Variants in FABP6 observed in about 807,000 individuals in gnomAD.
FABP6 encodes gastrotropin.
A neutral mutation model predicts 14.9 loss-of-function variants in FABP6; 13 were observed. The observed-to-expected ratio is 0.87, with a 90% CI of 0.57 to 1.39. FABP6 has a LOEUF of 1.39. Among genes scored for constraint, FABP6 ranks in the 40% most tolerant of loss-of-function variants. The pLI is 0.00. For missense variants in FABP6, 161 were observed against 167.2 expected, an observed-to-expected ratio of 0.96 and a Z score of 0.20; for synonymous variants, 75 against 63.6, an observed-to-expected ratio of 1.18 and a Z score of -0.85.
chr5:160,222,562 GACCTCAGGTGATCCACCC>G (rs1436791439), intron 3 of FABP6, among the ~76,000 whole-genome samples: 1 of 152,128 alleles, frequency 6.6e-6, no homozygotes, highest in Non-Finnish European at 1.5e-5. Context: ...TCAAACTCTT[GACCTCAGGTGATCCACCC>G]ACCTCAGCCT....
At chr5:160,209,904 C>T (rs529681178) in intron 2 of FABP6, among the ~76,000 whole-genome samples, 1 of 152,106 alleles carries the variant, frequency 6.6e-6, no homozygotes, top group Non-Finnish European at 1.5e-5. Context: ...CAACAGAAAG[C>T]AACCTAAGAC....
chr5:160,230,039 A>AT (rs1238431320), intron 1 of FABP6, among the ~76,000 whole-genome samples: 4 of 33,562 alleles, frequency 1.2e-4, no homozygotes, highest in African/African-American at 3.6e-4. Flanking sequence ...ACGCCCGGCT[A>AT]ATTTTTTTTT....
chr5:160,213,627 T>C (rs1561748193), intron 2 of FABP6: 1 of 878,210 alleles, frequency 1.1e-6, no homozygotes, highest in Non-Finnish European at 1.9e-6. Context: ...TTGCTTGCAA[T>C]TAAGAGCGCT....
chr5:160,194,781 A>G (rs1403115383), intron 1 of FABP6, among the ~76,000 whole-genome samples: 2 of 152,074 alleles, frequency 1.3e-5, no homozygotes, highest in Non-Finnish European at 2.9e-5. Flanking sequence ...CCCTGTCCTG[A>G]TGCTGACCAC....
At chr5:160,187,964 C>T (rs917060591) in intron 1 of FABP6, among the ~76,000 whole-genome samples, 4 of 152,100 alleles carry the variant, frequency 2.6e-5, no homozygotes, top group African/African-American at 9.7e-5. Context: ...GTTGGTCAGG[C>T]TGGTCTAGAA....
Position 160,232,140 on chromosome 5 carries a change from T to C in FABP6, c.110T>C (p.Ile37Thr). 1 of 1,613,934 alleles carries C rather than the reference T, an allele frequency of 6.2e-7. No homozygotes were observed. Among genetic ancestry groups the C allele is most frequent in the East Asian group, 2.2e-5 (1 of 44,874 alleles). Residue 37 changes from isoleucine to threonine, a missense_variant, in exon 2 of 4, where the codon ATC (isoleucine) becomes ACC (threonine). Transcript: ENST00000402432. ...DVIEKARNFKIVTEVQQDGQD... is the reference protein window; with the variant it reads ...DVIEKARNFKTVTEVQQDGQD... ...ATCGAAAAGGCCCGCAACTTCAAGA[T>C]CGTCACGGAGGTGCAGCAGGATGGG... is the stretch of plus-strand genomic sequence containing the variant.
At chr5:160,191,723 A>C (rs1047083398) in intron 1 of FABP6, among the ~76,000 whole-genome samples, 1 of 150,544 alleles carries the variant, frequency 6.6e-6, no homozygotes, top group East Asian at 2.0e-4. Context: ...GCACTTTGGG[A>C]GGCCGAGGCG....
intron 3 of FABP6, among the ~76,000 whole-genome samples, chr5:160,235,998 G>A (rs1309909129): frequency 2.0e-5 from 3 of 150,410 alleles, no homozygotes; most frequent in South Asian, 2.1e-4. Flanking sequence ...GCAGGGAGAC[G>A]TCATCTCTCT....
intron 3 of FABP6, among the ~76,000 whole-genome samples, chr5:160,220,302 A>AT (rs942021902): frequency 1.3e-5 from 2 of 152,176 alleles, no homozygotes; most frequent in South Asian, 4.1e-4. Context: ...GAAGATCGGT[A>AT]TTTTTTTCCC....
At position 160,212,806 on chromosome 5, in the gene FABP6, A is replaced by G. The variant is rs1284675121; in HGVS notation, c.52-930A>G. Among the ~76,000 whole-genome samples, 4 of 152,268 alleles carry G rather than the reference A, an allele frequency of 2.6e-5. No homozygotes were observed. In the South Asian group the frequency reaches 8.3e-4, roughly 32 times the overall value. ...TTTTAAAAATATTTTTGGTAGAGAC[A>G]GGGTTTCAGCATGTTGGCCAGGCTG... is the stretch of plus-strand genomic sequence containing the variant. On this transcript the variant is annotated intron_variant, in intron 2 of 6. Transcript: ENST00000393980.
intron 2 of FABP6, among the ~76,000 whole-genome samples, chr5:160,203,564 T>G (rs1759692087): frequency 6.6e-6 from 1 of 152,178 alleles, no homozygotes; most frequent in African/African-American, 2.4e-5. Context: ...GGTCTTGCAA[T>G]GTTGCCCAGA....
chr5:160,193,331 T>G (rs1414160457), intron 1 of FABP6, among the ~76,000 whole-genome samples: 1 of 151,882 alleles, frequency 6.6e-6, no homozygotes, highest in East Asian at 1.9e-4. Context: ...ACTTTCACGG[T>G]AAGTGTTATA....
upstream of FABP6, among the ~76,000 whole-genome samples, chr5:160,228,007 G>A (rs1760288103): frequency 6.6e-6 from 1 of 152,158 alleles, no homozygotes; most frequent in Admixed American, 6.6e-5. Context: ...GTCAGCAACT[G>A]TATTGAATTC....
chr5:160,199,023 C>A (rs371429996), intron 1 of FABP6: 5 of 1,416,550 alleles, frequency 3.5e-6, no homozygotes, highest in East Asian at 2.3e-5. Flanking sequence ...CCCCTCCCAG[C>A]GTGCTGGCTT....
rs939561619 is a variant in FABP6 at position 160,217,682 on chromosome 5, G to A, written c.135+3863G>A. The stretch of plus-strand genomic sequence containing the variant: ...GACAGAATCTCTCTCTGTTGCCCAA[G>A]CTGCAGTGCAGCGGCATGATCATGG... On this transcript the variant is annotated intron_variant, in intron 3 of 6. Coordinates refer to the FABP6 transcript ENST00000393980. Among the ~76,000 whole-genome samples, 3 of 152,066 alleles carry A rather than the reference G, an allele frequency of 2.0e-5. No individual in the cohort carries two copies. The East Asian group carries it at 5.8e-4, about 29-fold the overall frequency.
intron 3 of FABP6, among the ~76,000 whole-genome samples, chr5:160,222,093 T>TTC (rs1554113720): frequency 7.9e-6 from 1 of 126,952 alleles, no homozygotes; most frequent in East Asian, 2.8e-4. Context: ...ATTTTTTCTT[T>TTC]TCTTTTTTTT....
intron 1 of FABP6, among the ~76,000 whole-genome samples, chr5:160,190,770 G>T (rs1436677334): frequency 6.6e-6 from 1 of 152,098 alleles, no homozygotes; most frequent in Non-Finnish European, 1.5e-5. Context: ...TCTATTTTGG[G>T]GCTAGAGGGA....
chr5:160,191,317 A>G (rs1043244854), intron 1 of FABP6, among the ~76,000 whole-genome samples: 1 of 151,864 alleles, frequency 6.6e-6, no homozygotes, highest in African/African-American at 2.4e-5. Context: ...AATACAAAAA[A>G]TTAGCCAGGC....
At chr5:160,191,733 G>A (rs1467580380) in intron 1 of FABP6, among the ~76,000 whole-genome samples, 8 of 151,230 alleles carry the variant, frequency 5.3e-5, no homozygotes, top group African/African-American at 1.7e-4. Context: ...AGGCCGAGGC[G>A]GGCAGATCAC....
Sources: allele counts gnomAD v4.1 joint callset (sites outside exome capture counted in the v4.1 genomes callset), GRCh38; gene constraint gnomAD v4.1.1; transcripts MANE v1.5; gene names NCBI Gene and HGNC (gene_info 2026-07-23, HGNC 2026-07-21).